ABLIM2: variants seen among roughly 807,000 people sequenced by gnomAD.
ABLIM2 encodes the protein actin-binding LIM protein 2.
ABLIM2 carries 53 observed loss-of-function variants against 97.7 expected under a neutral mutation model. The observed-to-expected ratio is 0.54, with a 90% CI of 0.44 to 0.68. The LOEUF is 0.68. Among genes scored for constraint, ABLIM2 ranks in the 30% least tolerant of loss-of-function variants. ABLIM2 has a pLI of 0.00. For missense variants in ABLIM2, 835 were observed against 867.2 expected (o/e 0.96, Z 0.47); for synonymous variants, 361 against 345.8 (o/e 1.04, Z -0.49).
intron 7 of ABLIM2, among the ~76,000 whole-genome samples, chr4:8,059,419 C>T (rs1393415396): frequency 1.3e-5 from 2 of 152,142 alleles, no homozygotes; most frequent in East Asian, 3.9e-4. Flanking sequence ...TGTCTCCTCT[C>T]TGCACCAGGA....
Position 8,127,250 on chromosome 4 carries a change from G to A in ABLIM2, c.11-20613C>T, listed in dbSNP as rs1490771429. ...CGCAGCTCCGATACCAGCACCGTGTGAGGTTGGATCAGACTCTTCCCGTCC... is the reference window on the plus strand; with the variant it reads ...CGCAGCTCCGATACCAGCACCGTGTAAGGTTGGATCAGACTCTTCCCGTCC... On this transcript the variant is annotated intron_variant, in intron 1 of 20. Coordinates refer to ENST00000447017, the MANE Select transcript of ABLIM2 (RefSeq NM_001130083.2). This position sits in a 1 kb window ranked among gnomAD's most constrained non-coding sequence, Gnocchi z 7.3. 6.6e-6 allele frequency among the ~76,000 whole-genome samples: 1 copy of A among 152,192 alleles called. No individual in the cohort carries two copies. The highest frequency in any genetic ancestry group is 2.4e-5 in the African/African-American group (1 of 41,454).
intron 9 of ABLIM2, among the ~76,000 whole-genome samples, chr4:8,038,403 C>T (rs1785936427): frequency 6.6e-6 from 1 of 152,200 alleles, no homozygotes; most frequent in Admixed American, 6.5e-5. Flanking sequence ...TCAGCTCAAA[C>T]CCTCTGGGAG....
rs947789471 is a variant in ABLIM2, at chr4:8,148,246, G to A, written c.10+10434C>T. On this transcript the variant is annotated intron_variant, in intron 1 of 20. Transcript: ENST00000447017. The surrounding 1 kb of genome is among the most constrained non-coding windows in gnomAD (Gnocchi z 6.7). ...GCCCTGGGCCAGGCAGGTTCTGAAG[G>A]GCCCAGTGTGTCTGGAGGGGAGAGG... is the stretch of plus-strand genomic sequence containing the variant. 7.0e-4 allele frequency among the ~76,000 whole-genome samples: 106 copies of A among 152,336 alleles called. No individual in the cohort carries two copies. Among genetic ancestry groups the A allele is most frequent in the African/African-American group, 2.5e-3 (103 of 41,578 alleles).
At position 8,068,334 on chromosome 4, in the gene ABLIM2, C is replaced by T. The variant is rs370291470; in HGVS notation, c.676-7280G>A. The stretch of plus-strand genomic sequence containing the variant: ...GGCTGTCATCTTTAATAAGGCAGAA[C>T]GAGGTGCCAGGGAAGCACACCCACA... On this transcript the variant is annotated intron_variant, in intron 6 of 20. Coordinates refer to ENST00000447017, the MANE Select transcript of ABLIM2 (RefSeq NM_001130083.2). The surrounding 1 kb of genome is among the most constrained non-coding windows in gnomAD (Gnocchi z 4.5). Among the ~76,000 whole-genome samples, 200 of 152,286 alleles carry T rather than the reference C, an allele frequency of 1.3e-3. 1 individual carries two copies. Among genetic ancestry groups the T allele is most frequent in the Admixed American group, 2.5e-3 (39 of 15,302 alleles).
intron 1 of ABLIM2, among the ~76,000 whole-genome samples, chr4:8,137,912 G>A (rs142137208): frequency 6.2e-4 from 94 of 152,370 alleles, no homozygotes; most frequent in African/African-American, 2.1e-3. Flanking sequence ...GGCAGAAGCC[G>A]CCCAGGTGCC....
rs1109531 is a variant in ABLIM2, at chr4:8,125,987, G to A, written c.11-19350C>T. Among the ~76,000 whole-genome samples, 30,058 of 152,100 alleles carry A rather than the reference G, an allele frequency of 0.2. 3,398 individuals carry two copies. The highest frequency in any genetic ancestry group is 0.3 in the Middle Eastern group (88 of 294). ...GAGGGGGAAGCCACACAGCCAACCC[G>A]CTTTTTCTGGGGGCCTCATGGGCAG... On this transcript the variant is annotated intron_variant, in intron 1 of 20. Coordinates refer to ENST00000447017, the MANE Select transcript of ABLIM2 (RefSeq NM_001130083.2). The surrounding 1 kb of genome is among the most constrained non-coding windows in gnomAD (Gnocchi z 6.2).
Position 8,007,374 on chromosome 4 carries a change from C to T in ABLIM2, c.1618+685G>A, listed in dbSNP as rs146625899. The T allele has an allele frequency of 5.3e-5, 52 of 985,478 alleles. No homozygotes were observed. The African/African-American group carries it at 7.1e-4, about 14-fold the overall frequency. 61.0% of individuals were successfully genotyped at this position (985,478 alleles called of 1,614,324 possible). ...ATCCATCCTCTCCCAGCCCCTGCTT[C>T]GAAGCTAAGCCCAAGCCTTGCCCAA... On this transcript the variant is annotated intron_variant, in intron 16 of 20. Coordinates refer to ENST00000447017, the MANE Select transcript of ABLIM2 (RefSeq NM_001130083.2).
At chr4:8,116,345 C>T (rs1237884090) in intron 1 of ABLIM2, among the ~76,000 whole-genome samples, 1 of 152,230 alleles carries the variant, frequency 6.6e-6, no homozygotes, top group African/African-American at 2.4e-5. Flanking sequence ...GCAGGAACCC[C>T]ATCCCACCCT....
intron 1 of ABLIM2, among the ~76,000 whole-genome samples, chr4:8,133,669 C>A (rs1259692737): frequency 6.6e-6 from 1 of 152,226 alleles, no homozygotes; most frequent in African/African-American, 2.4e-5. Flanking sequence ...GTGCTCTGCA[C>A]ACACCTAGGC....
chr4:8,104,250 A>C (rs1436812738), intron 2 of ABLIM2, among the ~76,000 whole-genome samples: 1 of 151,980 alleles, frequency 6.6e-6, no homozygotes, highest in African/African-American at 2.4e-5. Context: ...TCGTGCACTC[A>C]CTCCCAGAAA....
Position 7,967,092 on chromosome 4 carries a change from C to T in ABLIM2, c.1836G>A (p.Ser612=), listed in dbSNP as rs369627910. The change falls in exon 21 of 21, where the codon TCG becomes TCA. Residue 612 remains serine (S), a synonymous_variant. Transcript: ENST00000447017. ...CAAACACTTCCTGGAACTCCTCGGG[C>T]GACAAGTGTCTCTTCAAACAAAAAG... ...VDRTRLERHL[S]PEEFQEVFGM... 9.5e-5 allele frequency: 154 copies of T among 1,613,530 alleles called. No homozygotes were observed. In the Middle Eastern group the frequency reaches 1.5e-3, roughly 16 times the overall value.
In ABLIM2 at chr4:8,149,792, C is replaced by T. The variant is rs1337585379; in HGVS notation, c.10+8888G>A. ...AAGGCCCGGACCTAGGCTGAGACTT[C>T]CCCAGCACCTCACACTCAGGACTGG... On this transcript the variant is annotated intron_variant, in intron 1 of 20. Transcript: ENST00000447017. The surrounding 1 kb of genome is among the most constrained non-coding windows in gnomAD (Gnocchi z 6.4). 6.6e-6 allele frequency among the ~76,000 whole-genome samples: 1 copy of T among 152,040 alleles called. No homozygotes were observed. Among genetic ancestry groups the T allele is most frequent in the South Asian group, 2.1e-4 (1 of 4,828 alleles).
Position 8,019,482 on chromosome 4 carries a change from A to G in ABLIM2, c.1423+136T>C. On this transcript the variant is annotated intron_variant, in intron 14 of 20. Transcript: ENST00000447017. The surrounding 1 kb of genome is among the most constrained non-coding windows in gnomAD (Gnocchi z 4.3). ...GAGGCTGCTAGTGAATTTGCATTTA[A>G]TAGTCAGACTGCTAAGGGCCTTGGT... 1 of 742,316 alleles carries G rather than the reference A, an allele frequency of 1.3e-6. No individual in the cohort carries two copies. The highest frequency in any genetic ancestry group is 2.1e-6 in the Non-Finnish European group (1 of 467,590). 46.0% of individuals were successfully genotyped at this position (742,316 alleles called of 1,614,324 possible).
At chr4:8,006,369 A>C (rs902522138) in intron 16 of ABLIM2, among the ~76,000 whole-genome samples, 2 of 152,144 alleles carry the variant, frequency 1.3e-5, no homozygotes, top group African/African-American at 4.8e-5. Flanking sequence ...GTCTGTGGGG[A>C]GGTCATCAAG....
Position 8,106,476 on chromosome 4 carries a change from G to A in ABLIM2, c.154+18C>T, listed in dbSNP as rs773346504. The A allele has an allele frequency of 6.3e-7, 1 of 1,583,930 alleles. No individual in the cohort carries two copies. Among genetic ancestry groups the A allele is most frequent in the Non-Finnish European group, 8.6e-7 (1 of 1,165,104 alleles). On this transcript the variant is annotated intron_variant, in intron 2 of 20. Coordinates refer to ENST00000447017, the MANE Select transcript of ABLIM2 (RefSeq NM_001130083.2). ...CCCGTTTCAGGGGCCACACTGCAGG[G>A]GACCGGGGGACACTCACCTTTACAG...
intron 18 of ABLIM2, 129 bp downstream of exon 18, chr4:7,984,710 G>C (rs1327026330): frequency 1.0e-6 from 1 of 996,208 alleles, no homozygotes; most frequent in African/African-American, 1.6e-5. Flanking sequence ...CCTCCCCCGA[G>C]GTGTCCCCGC....
At chr4:8,074,722 T>C (rs1269027226) in intron 6 of ABLIM2, among the ~76,000 whole-genome samples, 8 of 151,658 alleles carry the variant, frequency 5.3e-5, no homozygotes, top group Non-Finnish European at 1.2e-4. Flanking sequence ...CTGATGGTTG[T>C]AAAAAACTGG....
In ABLIM2 at chr4:8,082,608, C is replaced by T. The variant is rs1158986899; in HGVS notation, c.455-1806G>A. Among the ~76,000 whole-genome samples, 1 of 152,248 alleles carries T rather than the reference C, an allele frequency of 6.6e-6. No homozygotes were observed. Among genetic ancestry groups the T allele is most frequent in the East Asian group, 1.9e-4 (1 of 5,206 alleles). ...AAGCTCAGGATTTCCTAAGTGACCACACTGTGCACATTCACATGCTACTTT... is the reference window on the plus strand; with the variant it reads ...AAGCTCAGGATTTCCTAAGTGACCATACTGTGCACATTCACATGCTACTTT... On this transcript the variant is annotated intron_variant, in intron 4 of 20. Transcript: ENST00000447017. The surrounding 1 kb of genome is among the most constrained non-coding windows in gnomAD (Gnocchi z 5.6).
chr4:8,133,611 G>T (rs573428224), intron 1 of ABLIM2, among the ~76,000 whole-genome samples: 7 of 152,164 alleles, frequency 4.6e-5, no homozygotes, highest in African/African-American at 1.7e-4. Flanking sequence ...ATCCCAGCCC[G>T]GCTGGAGCTC....
Sources: gnomAD v4.1 joint callset for allele counts (sites outside exome capture counted in the v4.1 genomes callset) on GRCh38, gnomAD v4.1.1 for gene constraint, Gnocchi (gnomAD v3.1) non-coding constraint, MANE v1.5 for transcripts, NCBI Gene and HGNC (gene_info 2026-07-23, HGNC 2026-07-21) for gene names.